The following ELF4 variants were observed in gnomAD, a reference collection of about 807,000 sequenced individuals.
The protein encoded by ELF4 is ETS-related transcription factor Elf-4.
ELF4 carries 10 observed loss-of-function variants against 31.7 expected under a neutral mutation model. The observed-to-expected ratio is 0.32, with a 90% CI of 0.19 to 0.54. The LOEUF is 0.54. ELF4 is among the 20% of genes least tolerant of loss of function. The pLI is 0.95. For synonymous variants in ELF4, 208 were observed against 226.7 expected, an observed-to-expected ratio of 0.92 and a Z score of 0.74; for missense variants, 418 against 522.0, an observed-to-expected ratio of 0.80 and a Z score of 1.94.
intron 2 of ELF4, among the ~76,000 whole-genome samples, chrX:130,076,216 G>GT (rs869259954): frequency 2.0e-4 from 22 of 110,827 alleles, no homozygotes; most frequent in African/African-American, 5.6e-4. Context: ...GACTGCATGT[G>GT]TTTTTTTTAA....
rs1469665608 is a variant in ELF4 at position 130,064,075 on chromosome X, A to G, written c.*2646T>C. ...TTTGTTACATAGGTATACATGTGCCATGGTGGTTTGCTGCACCCATCAACC... is the reference window on the plus strand; with the variant it reads ...TTTGTTACATAGGTATACATGTGCCGTGGTGGTTTGCTGCACCCATCAACC... On this transcript the variant is annotated 3_prime_UTR_variant, in exon 9 of 9. Coordinates refer to ENST00000308167, the MANE Select transcript of ELF4 (RefSeq NM_001421.4). Among the ~76,000 whole-genome samples the G allele has an allele frequency of 9.2e-6, 1 of 108,723 alleles. No homozygotes were observed. Among genetic ancestry groups the G allele is most frequent in the African/African-American group, 3.3e-5 (1 of 29,877 alleles). The allele number at this position is 108,723 out of a possible 115,157, so 94.4% of individuals were successfully genotyped here.
Position 130,067,436 on chromosome X carries a change from G to A in ELF4, c.1277C>T (p.Thr426Met), listed in dbSNP as rs1471972731. The change falls in exon 9 of 9, where the codon ACG (threonine) becomes ATG (methionine). Residue 426 changes from threonine (T) to methionine (M), a missense_variant. Coordinates refer to ENST00000308167, the MANE Select transcript of ELF4 (RefSeq NM_001421.4). The part of the protein sequence containing the change: ...ALTLQTIPLT[T>M]VLTNGPPAST... ...GGCAGGAGGCCCATTGGTCAGCACC[G>A]TGGTCAGTGGGATCGTCTGCAGGGT... is the stretch of plus-strand genomic sequence containing the variant. 12 of 1,210,394 alleles carry A rather than the reference G, an allele frequency of 9.9e-6. No homozygotes were observed. The highest frequency in any genetic ancestry group is 4.4e-5 in the Admixed American group (2 of 45,865).
intron 1 of ELF4, among the ~76,000 whole-genome samples, chrX:130,089,923 ACT>A (rs993098515): frequency 5.5e-5 from 6 of 109,708 alleles, no homozygotes; most frequent in African/African-American, 2.0e-4. Context: ...ACATGGTGAA[ACT>A]CTGTCTCTAC....
Position 130,090,864 on chromosome X carries a change from G to A in ELF4, c.-209-9325C>T, listed in dbSNP as rs753848300. Among the ~76,000 whole-genome samples the A allele has an allele frequency of 3.0e-3, 331 of 112,163 alleles. 1 individual carries two copies. The highest frequency in any genetic ancestry group is 0.01 in the African/African-American group (313 of 30,879). ...GTTTTGATCTGTCACCCAGGTTGGAGTGCAGTGGCACAATCATGGCTCACT... is the reference window on the plus strand; with the variant it reads ...GTTTTGATCTGTCACCCAGGTTGGAATGCAGTGGCACAATCATGGCTCACT... On this transcript the variant is annotated intron_variant, in intron 1 of 8. Coordinates refer to ENST00000308167, the MANE Select transcript of ELF4 (RefSeq NM_001421.4).
chrX:130,073,420 C>A (rs1183024355), intron 4 of ELF4, among the ~76,000 whole-genome samples: 1 of 111,726 alleles, frequency 9.0e-6, no homozygotes, highest in Non-Finnish European at 1.9e-5. Flanking sequence ...CCACATGCTG[C>A]ATATCTCAGT....
At position 130,073,012 on chromosome X, in the gene ELF4, T is replaced by C. The variant is rs185220686; in HGVS notation, c.341-595A>G. ...TCCTGTGCATCTGCCTGAGGGGTCA[T>C]TGGGAAGAGCCTGCCTTGGGGGCCC... On this transcript the variant is annotated intron_variant, in intron 4 of 8. Coordinates refer to ENST00000308167, the MANE Select transcript of ELF4 (RefSeq NM_001421.4). Among the ~76,000 whole-genome samples the C allele has an allele frequency of 4.1e-3, 457 of 112,142 alleles. 1 individual carries two copies. The highest frequency in any genetic ancestry group is 0.014 in the African/African-American group (440 of 30,906).
At chrX:130,085,024 A>G (rs776550666) in intron 1 of ELF4, among the ~76,000 whole-genome samples, 16 of 112,400 alleles carry the variant, frequency 1.4e-4, no homozygotes, top group Admixed American at 2.8e-4. Flanking sequence ...TAGACAAATC[A>G]GGGAGCACAC....
intron 1 of ELF4, among the ~76,000 whole-genome samples, chrX:130,109,349 G>C (rs1490081716): frequency 8.9e-6 from 1 of 112,888 alleles, no homozygotes; most frequent in Non-Finnish European, 1.9e-5. Context: ...AAGGTTAACT[G>C]TTCTTTCCCA....
chrX:130,086,334 C>G (rs772089803), intron 1 of ELF4, among the ~76,000 whole-genome samples: 2 of 112,400 alleles, frequency 1.8e-5, no homozygotes, highest in East Asian at 5.6e-4. Context: ...TCTCCCAACT[C>G]TGATGGTGAG....
chrX:130,090,382 AAAG>A (rs1236976889), intron 1 of ELF4, among the ~76,000 whole-genome samples: 28 of 109,570 alleles, frequency 2.6e-4, no homozygotes, highest in South Asian at 7.7e-4. Flanking sequence ...CAAAAAAAAA[AAAG>A]AAGAAGAAGA....
At chrX:130,071,004 A>G in intron 7 of ELF4, 36 bp downstream of exon 7, 1 of 1,208,302 alleles carries the variant, frequency 8.3e-7, no homozygotes, top group Non-Finnish European at 1.1e-6. Flanking sequence ...GGTGATCCCC[A>G]GGGCAGGGGT....
At chrX:130,086,804 T>C (rs1932968531) in intron 1 of ELF4, among the ~76,000 whole-genome samples, 1 of 112,618 alleles carries the variant, frequency 8.9e-6, no homozygotes, top group Non-Finnish European at 1.9e-5. Context: ...TGGGCCCCAT[T>C]AAGCTCCAGA....
At chrX:130,104,601 G>T (rs766561142) in intron 1 of ELF4, among the ~76,000 whole-genome samples, 6 of 111,917 alleles carry the variant, frequency 5.4e-5, no homozygotes, top group South Asian at 7.4e-4. Flanking sequence ...TATATGCATC[G>T]TCTCATTTAA....
At chrX:130,078,762 TACACACAC>T (rs530565075) in intron 2 of ELF4, among the ~76,000 whole-genome samples, 8,570 of 84,772 alleles carry the variant, frequency 0.1, 378 homozygotes, top group East Asian at 0.19. Context: ...TCTCTCTCTC[TACACACAC>T]ACACACACAC....
At chrX:130,103,762 G>T (rs1933325998) in intron 1 of ELF4, among the ~76,000 whole-genome samples, 1 of 112,390 alleles carries the variant, frequency 8.9e-6, no homozygotes, top group South Asian at 3.7e-4. Flanking sequence ...GGGACCAAGG[G>T]ACTGAGTGGA....
intron 2 of ELF4, among the ~76,000 whole-genome samples, chrX:130,080,281 G>A (rs777726398): frequency 7.2e-5 from 8 of 110,494 alleles, no homozygotes; most frequent in South Asian, 7.8e-4. Context: ...AAAATTAGCC[G>A]GGGATGGTGG....
intron 1 of ELF4, among the ~76,000 whole-genome samples, chrX:130,086,506 C>T (rs1360996461): frequency 1.8e-5 from 2 of 111,986 alleles, no homozygotes; most frequent in Admixed American, 9.5e-5. Flanking sequence ...CTCCAGGGGA[C>T]CCACAGCCCA....
chrX:130,065,210 T>C lies in ELF4; in HGVS notation c.*1511A>G. On this transcript the variant is annotated 3_prime_UTR_variant, in exon 9 of 9. Transcript: ENST00000308167. ...AAAGTCACCAGATAATAGAGTTGTTTCCGTGGCTGACATTTCTTAGCCTTG... is the reference window on the plus strand; with the variant it reads ...AAAGTCACCAGATAATAGAGTTGTTCCCGTGGCTGACATTTCTTAGCCTTG... The C allele has an allele frequency of 5.7e-6, 1 of 173,979 alleles. No individual in the cohort carries two copies. The highest frequency in any genetic ancestry group is 1.1e-5 in the Non-Finnish European group (1 of 91,141). The allele number at this position is 173,979 out of a possible 1,213,427, so 14.3% of individuals were successfully genotyped here.
At chrX:130,104,433 T>C (rs1237348934) in intron 1 of ELF4, among the ~76,000 whole-genome samples, 2 of 111,123 alleles carry the variant, frequency 1.8e-5, no homozygotes, top group Non-Finnish European at 3.8e-5. Context: ...CCTGCCCGCA[T>C]TGCCGAAGAA....
Sources: gnomAD v4.1 joint callset for allele counts (sites outside exome capture counted in the v4.1 genomes callset) on GRCh38, gnomAD v4.1.1 for gene constraint, MANE v1.5 for transcripts, NCBI Gene and HGNC (gene_info 2026-07-23, HGNC 2026-07-21) for gene names.